Variants in TBC1D5 observed in about 807,000 individuals in gnomAD.
TBC1D5 encodes TBC1 domain family member 5.
A neutral mutation model predicts 100.3 loss-of-function variants in TBC1D5; 75 were observed. That is an observed-to-expected ratio of 0.75 (90% CI 0.62 to 0.91). The LOEUF (loss-of-function observed/expected upper bound fraction) is 0.91, where lower values mean the gene tolerates loss of function less well. Ranked by LOEUF, TBC1D5 falls within the 40% of genes least tolerant of loss-of-function variation. The pLI is 0.00. For missense variants in TBC1D5, 910 were observed against 942.4 expected, an observed-to-expected ratio of 0.97 and a Z score of 0.45; for synonymous variants, 323 against 325.6, an observed-to-expected ratio of 0.99 and a Z score of 0.09.
intron 2 of TBC1D5, among the ~76,000 whole-genome samples, chr3:17,622,196 T>C (rs2062717823): frequency 1.3e-5 from 2 of 152,344 alleles, no homozygotes; most frequent in Admixed American, 1.3e-4. Flanking sequence ...ATCCCTCGCA[T>C]ACACAATTCG....
At chr3:17,707,518 C>T (rs1339488338) in intron 1 of TBC1D5, among the ~76,000 whole-genome samples, 1 of 152,070 alleles carries the variant, frequency 6.6e-6, no homozygotes, top group Non-Finnish European at 1.5e-5. Context: ...ACAACATCAA[C>T]AAAATCAATG....
At chr3:17,742,074 T>C (rs2077501614), upstream of TBC1D5, among the ~76,000 whole-genome samples, 1 of 152,174 alleles carries the variant, frequency 6.6e-6, no homozygotes, top group African/African-American at 2.4e-5. Flanking sequence ...CGCCAGGCCC[T>C]GCCTTTACTG....
chr3:17,623,443 C>T (rs1366500807), intron 2 of TBC1D5, among the ~76,000 whole-genome samples: 1 of 152,156 alleles, frequency 6.6e-6, no homozygotes, highest in Non-Finnish European at 1.5e-5. Context: ...AAACTGTACA[C>T]AAAAACTGAA....
intron 2 of TBC1D5, among the ~76,000 whole-genome samples, chr3:17,567,798 G>C (rs1371988334): frequency 6.6e-6 from 1 of 151,582 alleles, no homozygotes; most frequent in Admixed American, 6.6e-5. Context: ...AAATTACCTA[G>C]TCTTCAGTCT....
chr3:17,489,942 G>T (rs1704100932), intron 3 of TBC1D5, among the ~76,000 whole-genome samples: 2 of 152,034 alleles, frequency 1.3e-5, no homozygotes, highest in Admixed American at 1.3e-4. Context: ...TTCCACAATG[G>T]TGGAATTTAC....
chr3:17,521,659 G>C (rs1452115021), intron 2 of TBC1D5, among the ~76,000 whole-genome samples: 1 of 151,930 alleles, frequency 6.6e-6, no homozygotes, highest in African/African-American at 2.4e-5. Flanking sequence ...GCATAATTTG[G>C]GGGGGGAAAT....
chr3:17,645,685 C>T (rs1211381628), intron 1 of TBC1D5, among the ~76,000 whole-genome samples: 1 of 152,116 alleles, frequency 6.6e-6, no homozygotes, highest in African/African-American at 2.4e-5. Flanking sequence ...AAGCTATAAT[C>T]TAGGTACAAA....
At chr3:17,633,641 C>T (rs575104249) in intron 1 of TBC1D5, among the ~76,000 whole-genome samples, 17 of 152,100 alleles carry the variant, frequency 1.1e-4, no homozygotes, top group South Asian at 8.3e-4. Context: ...TTAAAGAGGT[C>T]GGCATTTTGT....
intron 2 of TBC1D5, chr3:17,623,605 A>C (rs749836056): frequency 6.6e-5 from 10 of 152,368 alleles, no homozygotes; most frequent in Non-Finnish European, 1.3e-4. Context: ...ACCAACACAG[A>C]AGCACACTGA....
At chr3:17,513,961 T>C (rs2095948393) in intron 2 of TBC1D5, among the ~76,000 whole-genome samples, 1 of 151,984 alleles carries the variant, frequency 6.6e-6, no homozygotes, top group Admixed American at 6.5e-5. Flanking sequence ...TGTTGGTAGC[T>C]AAAGGTAAAT....
intron 3 of TBC1D5, among the ~76,000 whole-genome samples, chr3:17,436,769 C>G (rs2094543333): frequency 6.6e-6 from 1 of 152,004 alleles, no homozygotes; most frequent in African/African-American, 2.4e-5. Flanking sequence ...GTCAGTCTAT[C>G]AATAAACTAA....
chr3:17,564,317 T>C (rs34866773), intron 2 of TBC1D5, among the ~76,000 whole-genome samples: 1 of 152,190 alleles, frequency 6.6e-6, no homozygotes, highest in African/African-American at 2.4e-5. Context: ...ATGATAGCCA[T>C]ACCCTATAAA....
chr3:17,259,276 A>G (rs2078043619), intron 15 of TBC1D5, among the ~76,000 whole-genome samples: 1 of 152,224 alleles, frequency 6.6e-6, no homozygotes, highest in African/African-American at 2.4e-5. Flanking sequence ...ATTTATAAAC[A>G]TTGCAGAAAT....
intron 3 of TBC1D5, among the ~76,000 whole-genome samples, chr3:17,444,691 A>G (rs2149596599): frequency 6.6e-6 from 1 of 152,256 alleles, no homozygotes; most frequent in South Asian, 2.1e-4. Flanking sequence ...ATTATTGTAC[A>G]AAATTTTCAA....
chr3:17,416,313 T>A (rs894933462), intron 4 of TBC1D5, among the ~76,000 whole-genome samples: 11 of 152,196 alleles, frequency 7.2e-5, no homozygotes, highest in Admixed American at 2.0e-4. Flanking sequence ...ACTAAGCAGT[T>A]AAAACATGGC....
chr3:17,504,551 G>GAACT (rs995112680), intron 3 of TBC1D5, among the ~76,000 whole-genome samples: 4 of 152,124 alleles, frequency 2.6e-5, no homozygotes, highest in Non-Finnish European at 5.9e-5. Flanking sequence ...CCAGAGTTTA[G>GAACT]AACTGGCTTA....
chr3:17,499,478 T>G (rs150353708), intron 3 of TBC1D5, among the ~76,000 whole-genome samples: 1 of 149,826 alleles, frequency 6.7e-6, no homozygotes, highest in African/African-American at 2.5e-5. Context: ...GAGGCCCATG[T>G]GGGCGGATCA....
chr3:17,430,710 T>C (rs1266696599), intron 3 of TBC1D5, among the ~76,000 whole-genome samples: 1 of 151,934 alleles, frequency 6.6e-6, no homozygotes, highest in East Asian at 1.9e-4. Context: ...TGAAAACATC[T>C]GTTCCTTACA....
At chr3:17,385,302 T>G (rs1037103550) in intron 8 of TBC1D5, among the ~76,000 whole-genome samples, 3 of 151,912 alleles carry the variant, frequency 2.0e-5, no homozygotes, top group Non-Finnish European at 4.4e-5. Context: ...AACTAAAAAA[T>G]GGGAGAAAAT....
Sources: gnomAD v4.1 joint callset for allele counts (sites outside exome capture counted in the v4.1 genomes callset) on GRCh38, gnomAD v4.1.1 for gene constraint, MANE v1.5 for transcripts, NCBI Gene and HGNC (gene_info 2026-07-23, HGNC 2026-07-21) for gene names.